TMEM178B: variants seen among roughly 807,000 people sequenced by gnomAD.
The protein encoded by TMEM178B is transmembrane protein 178B.
TMEM178B carries 5 observed loss-of-function variants against 31.0 expected under a neutral mutation model. The observed-to-expected ratio is 0.16, with a 90% confidence interval of 0.08 to 0.34. TMEM178B has a LOEUF of 0.34. TMEM178B is among the 10% of genes least tolerant of loss of function. The pLI is 1.00. For synonymous variants in TMEM178B, 164 were observed against 164.0 expected (o/e 1.00, Z 0.00); for missense variants, 275 against 400.3 (o/e 0.69, Z 2.67).
intron 2 of TMEM178B, among the ~76,000 whole-genome samples, chr7:141,406,400 T>C (rs1032520703): frequency 6.6e-6 from 1 of 152,184 alleles, no homozygotes; most frequent in African/African-American, 2.4e-5. Context: ...CTCTCCCAGA[T>C]TATGATAGAG....
intron 2 of TMEM178B, among the ~76,000 whole-genome samples, chr7:141,224,301 G>A (rs1358185529): frequency 2.0e-5 from 3 of 152,212 alleles, no homozygotes; most frequent in East Asian, 1.9e-4. Context: ...TTAAATTTGT[G>A]TGTGACACAT....
At chr7:141,457,267 C>T (rs900075125) in intron 3 of TMEM178B, among the ~76,000 whole-genome samples, 1 of 152,154 alleles carries the variant, frequency 6.6e-6, no homozygotes. Context: ...CTGTCACATG[C>T]TTTGAGACCT....
chr7:141,405,797 C>T (rs1282150869), intron 2 of TMEM178B, among the ~76,000 whole-genome samples: 3 of 152,204 alleles, frequency 2.0e-5, no homozygotes, highest in African/African-American at 7.2e-5. Flanking sequence ...CTTGCACTAC[C>T]ATGAAAACCT....
In TMEM178B at chr7:141,275,505, G is replaced by A. The variant is rs216998; in HGVS notation, c.496+62801G>A. Among the ~76,000 whole-genome samples the A allele has an allele frequency of 5.7e-3, 868 of 152,248 alleles. 4 individuals are homozygous for A. Among genetic ancestry groups the A allele is most frequent in the Non-Finnish European group, 0.01 (699 of 68,026 alleles). On this transcript the variant is annotated intron_variant, in intron 2 of 3. Transcript: ENST00000565468. ...TCCAGCCTCTCCTATAAGATAGTTGGCAATAATCCTTTGAACCCTGTAGGG... is the reference window on the plus strand; with the variant it reads ...TCCAGCCTCTCCTATAAGATAGTTGACAATAATCCTTTGAACCCTGTAGGG...
At chr7:141,287,965 A>T (rs535908465) in intron 2 of TMEM178B, among the ~76,000 whole-genome samples, 12 of 152,136 alleles carry the variant, frequency 7.9e-5, no homozygotes, top group Admixed American at 1.3e-4. Flanking sequence ...TGGATTCATC[A>T]TTTCTTGCTT....
chr7:141,456,498 A>G (rs988056022), intron 3 of TMEM178B, among the ~76,000 whole-genome samples: 6 of 152,210 alleles, frequency 3.9e-5, no homozygotes, highest in Non-Finnish European at 7.3e-5. Flanking sequence ...CAAAACAGGA[A>G]TTCAAATGCA....
At chr7:141,367,377 C>T (rs1354264737) in intron 2 of TMEM178B, among the ~76,000 whole-genome samples, 3 of 151,954 alleles carry the variant, frequency 2.0e-5, no homozygotes, top group Non-Finnish European at 4.4e-5. Flanking sequence ...CAAGCTCAAG[C>T]GATTCTTGTG....
intron 1 of TMEM178B, among the ~76,000 whole-genome samples, chr7:141,118,258 G>A (rs1183236123): frequency 6.6e-6 from 1 of 152,122 alleles, no homozygotes; most frequent in African/African-American, 2.4e-5. Context: ...ATTCCTTTTG[G>A]AAGCCTGGCC....
intron 3 of TMEM178B, among the ~76,000 whole-genome samples, chr7:141,443,008 C>A (rs1291403843): frequency 1.3e-5 from 2 of 152,206 alleles, no homozygotes; most frequent in African/African-American, 4.8e-5. Flanking sequence ...TGGCAGAATT[C>A]ATTTCCTTGC....
At chr7:141,413,092 G>T (rs1200349811) in intron 2 of TMEM178B, among the ~76,000 whole-genome samples, 2 of 152,204 alleles carry the variant, frequency 1.3e-5, no homozygotes, top group East Asian at 1.9e-4. Context: ...GCGTTGGTCC[G>T]CCAACCATGA....
chr7:141,167,449 C>T (rs1343184443), intron 1 of TMEM178B, among the ~76,000 whole-genome samples: 1 of 152,240 alleles, frequency 6.6e-6, no homozygotes, highest in Non-Finnish European at 1.5e-5. Context: ...TGTTGCCCTC[C>T]TGCCAGTTCG....
intron 2 of TMEM178B, among the ~76,000 whole-genome samples, chr7:141,245,912 C>T (rs886320903): frequency 3.3e-5 from 5 of 152,118 alleles, no homozygotes; most frequent in Non-Finnish European, 7.3e-5. Context: ...TAAACAAGTA[C>T]TTTTGGACCT....
At position 141,475,276 on chromosome 7, in the gene TMEM178B, G is replaced by A. The variant is rs541257981; in HGVS notation, c.*4490G>A. The A allele has an allele frequency of 1.1e-4, 17 of 152,230 alleles. No individual in the cohort carries two copies. In the East Asian group the frequency reaches 1.2e-3, roughly 10 times the overall value. The allele number at this position is 152,230 out of a possible 1,614,324, so 9.4% of individuals were successfully genotyped here. On this transcript the variant is annotated 3_prime_UTR_variant, in exon 4 of 4. Coordinates refer to ENST00000565468, the MANE Select transcript of TMEM178B (RefSeq NM_001195278.2). Reference sequence around the variant, plus strand: ...GAGTTGACATACACACGTGATTCTCGTGTCTGTCTCTCAAAGCTCTCAATG... The same window carrying A: ...GAGTTGACATACACACGTGATTCTCATGTCTGTCTCTCAAAGCTCTCAATG...
At chr7:141,262,171 A>G (rs1237030734) in intron 2 of TMEM178B, among the ~76,000 whole-genome samples, 1 of 152,196 alleles carries the variant, frequency 6.6e-6, no homozygotes, top group Non-Finnish European at 1.5e-5. Context: ...GCCATCTTTT[A>G]TAAAGTGGCT....
At chr7:141,337,860 C>A (rs1272542746) in intron 2 of TMEM178B, among the ~76,000 whole-genome samples, 1 of 151,214 alleles carries the variant, frequency 6.6e-6, no homozygotes, top group Non-Finnish European at 1.5e-5. Context: ...TTTTTTGAGA[C>A]GGAGTCTCGC....
intron 2 of TMEM178B, among the ~76,000 whole-genome samples, chr7:141,274,271 A>G (rs1468522081): frequency 1.3e-5 from 2 of 152,214 alleles, no homozygotes; most frequent in Non-Finnish European, 2.9e-5. Context: ...TGTTTTATTC[A>G]GTCTTATGCC....
intron 1 of TMEM178B, among the ~76,000 whole-genome samples, chr7:141,128,552 A>T (rs1475206913): frequency 1.3e-5 from 2 of 152,016 alleles, no homozygotes; most frequent in Non-Finnish European, 2.9e-5. Context: ...AAAAAAAAAA[A>T]GCTCCAAAAT....
chr7:141,315,508 T>C (rs954431770), intron 2 of TMEM178B, among the ~76,000 whole-genome samples: 22 of 152,204 alleles, frequency 1.4e-4, no homozygotes, highest in Admixed American at 1.3e-3. Flanking sequence ...ATCTTACCCC[T>C]TCTTCAAAGT....
At chr7:141,181,974 G>A (rs1796536978) in intron 1 of TMEM178B, among the ~76,000 whole-genome samples, 1 of 152,200 alleles carries the variant, frequency 6.6e-6, no homozygotes, top group Admixed American at 6.5e-5. Context: ...TAGCGACACT[G>A]ATATTTAGAC....
Sources: gnomAD v4.1 joint callset for allele counts (sites outside exome capture counted in the v4.1 genomes callset) on GRCh38, gnomAD v4.1.1 for gene constraint, MANE v1.5 for transcripts, NCBI Gene and HGNC (gene_info 2026-07-23, HGNC 2026-07-21) for gene names.